Variants in FAM135B observed in about 807,000 individuals in gnomAD.
FAM135B encodes the protein family with sequence similarity 135 member B, also known as protein FAM135B.
Under a neutral mutation model 127.7 loss-of-function variants are expected in FAM135B, and 43 were observed. That is an observed-to-expected ratio of 0.34 (90% confidence interval 0.26 to 0.43). FAM135B has a LOEUF of 0.43. FAM135B is among the 20% of genes least tolerant of loss of function. The pLI is 1.00. For missense variants in FAM135B, 1,558 were observed against 1,725.6 expected (o/e 0.90, Z 1.72); for synonymous variants, 670 against 665.1 (o/e 1.01, Z -0.11).
At chr8:138,187,858 C>T (rs1295581513) in intron 9 of FAM135B, among the ~76,000 whole-genome samples, 1 of 152,152 alleles carries the variant, frequency 6.6e-6, no homozygotes, top group African/African-American at 2.4e-5. Context: ...TGAGCCCGGC[C>T]CCGATCTCTG....
intron 1 of FAM135B, among the ~76,000 whole-genome samples, chr8:138,443,794 C>T (rs1013825045): frequency 6.6e-6 from 1 of 152,134 alleles, no homozygotes; most frequent in African/African-American, 2.4e-5. Context: ...CAAATTCACA[C>T]ATAACAATAT....
Position 138,132,292 on chromosome 8 carries a change from G to A in FAM135B, c.*301C>T. The A allele has an allele frequency of 3.0e-6, 1 of 332,402 alleles. No individual in the cohort carries two copies. Among genetic ancestry groups the A allele is most frequent in the South Asian group, 3.7e-5 (1 of 26,786 alleles). The allele number at this position is 332,402 out of a possible 1,614,324, so 20.6% of individuals were successfully genotyped here. On this transcript the variant is annotated 3_prime_UTR_variant, in exon 20 of 20. Coordinates refer to ENST00000395297, the MANE Select transcript of FAM135B (RefSeq NM_015912.4). This position sits in a 1 kb window ranked among gnomAD's most constrained non-coding sequence, Gnocchi z 4.5. ...TCAGTAAGCCAGTAGTGGCTAGCAAGGGGAGCTCACCAACTCCCAAGTATT... is the reference window on the plus strand; with the variant it reads ...TCAGTAAGCCAGTAGTGGCTAGCAAAGGGAGCTCACCAACTCCCAAGTATT...
At chr8:138,197,799 C>T in intron 7 of FAM135B, 130 bp from the exon 8 acceptor site, 10 of 935,840 alleles carry the variant, frequency 1.1e-5, no homozygotes, top group Non-Finnish European at 1.6e-5. Flanking sequence ...GAAGCAGACC[C>T]CATCCTGAGT....
At chr8:138,143,202 G>A (rs890452023) in intron 15 of FAM135B, 93 bp from the exon 16 acceptor site, 71 of 705,198 alleles carry the variant, frequency 1.0e-4, no homozygotes, top group Middle Eastern at 2.4e-4. Flanking sequence ...ACACTGTGGC[G>A]CCTACTGGGG....
intron 1 of FAM135B, among the ~76,000 whole-genome samples, chr8:138,379,474 C>T (rs539304810): frequency 2.2e-4 from 33 of 152,052 alleles, no homozygotes; most frequent in Admixed American, 6.5e-4. Flanking sequence ...GTATGTTGTG[C>T]AATAAAAATT....
chr8:138,212,308 C>A (rs746920795), intron 7 of FAM135B, among the ~76,000 whole-genome samples: 1 of 152,080 alleles, frequency 6.6e-6, no homozygotes, highest in African/African-American at 2.4e-5. Flanking sequence ...AAGAGGGATG[C>A]TTTAGAGGAC....
intron 12 of FAM135B, among the ~76,000 whole-genome samples, chr8:138,156,398 G>C (rs549158934): frequency 1.3e-5 from 2 of 152,176 alleles, no homozygotes; most frequent in East Asian, 1.9e-4. Context: ...AGAGAAGCAA[G>C]AGCAAACACA....
At chr8:138,438,175 C>T (rs1237131818) in intron 1 of FAM135B, 1 of 152,032 alleles carries the variant, frequency 6.6e-6, no homozygotes, top group East Asian at 1.9e-4. Flanking sequence ...AATTTAAATG[C>T]AAAGTTTTAT....
At chr8:138,298,804 G>A (rs970327750) in intron 3 of FAM135B, among the ~76,000 whole-genome samples, 2 of 152,028 alleles carry the variant, frequency 1.3e-5, no homozygotes, top group African/African-American at 4.8e-5. Context: ...ACACACAATG[G>A]GAGGGACAGG....
At chr8:138,239,541 G>A (rs573922859) in intron 7 of FAM135B, among the ~76,000 whole-genome samples, 163 of 152,254 alleles carry the variant, frequency 1.1e-3, no homozygotes, top group African/African-American at 3.8e-3. Flanking sequence ...CTTTTGCTGT[G>A]CAGAAGCTCT....
At chr8:138,245,258 A>G (rs568969198) in intron 6 of FAM135B, among the ~76,000 whole-genome samples, 1 of 152,302 alleles carries the variant, frequency 6.6e-6, no homozygotes, top group East Asian at 1.9e-4. Flanking sequence ...CAAATTCTCA[A>G]TAGAATAGTA....
chr8:138,289,961 C>T (rs1824981443), intron 3 of FAM135B, among the ~76,000 whole-genome samples: 1 of 152,194 alleles, frequency 6.6e-6, no homozygotes, highest in African/African-American at 2.4e-5. Context: ...GTGAGAACAT[C>T]ACAAACAGGA....
At chr8:138,460,224 A>G (rs773785148) in intron 1 of FAM135B, among the ~76,000 whole-genome samples, 3 of 152,214 alleles carry the variant, frequency 2.0e-5, no homozygotes, top group Non-Finnish European at 4.4e-5. Context: ...GCTGAGGCAC[A>G]GGTAAGGGAC....
At chr8:138,289,311 C>T (rs1041522316) in intron 3 of FAM135B, among the ~76,000 whole-genome samples, 2 of 152,184 alleles carry the variant, frequency 1.3e-5, no homozygotes, top group Non-Finnish European at 2.9e-5. Context: ...TCATTCTCTG[C>T]CTCATCTTTG....
At chr8:138,186,161 C>T (rs1177012302) in intron 9 of FAM135B, among the ~76,000 whole-genome samples, 1 of 152,196 alleles carries the variant, frequency 6.6e-6, no homozygotes, top group African/African-American at 2.4e-5. Flanking sequence ...CTTGCTCCTG[C>T]AGCCCCTCAC....
chr8:138,431,805 T>C (rs572482055), intron 1 of FAM135B, among the ~76,000 whole-genome samples: 14 of 152,130 alleles, frequency 9.2e-5, no homozygotes, highest in Non-Finnish European at 1.5e-4. Context: ...CAAGGCTGGG[T>C]CCCTTTAGGT....
chr8:138,371,327 C>A (rs888146001), intron 1 of FAM135B, among the ~76,000 whole-genome samples: 19 of 152,072 alleles, frequency 1.2e-4, no homozygotes, highest in African/African-American at 4.6e-4. Context: ...ATGACACATA[C>A]CTAACACACA....
chr8:138,304,721 A>G (rs1826111545), intron 3 of FAM135B, among the ~76,000 whole-genome samples: 1 of 152,208 alleles, frequency 6.6e-6, no homozygotes, highest in Non-Finnish European at 1.5e-5. Flanking sequence ...ATCATGGCAC[A>G]ATCTCAAGGA....
chr8:138,457,899 CCT>C (rs1454056102), intron 1 of FAM135B, among the ~76,000 whole-genome samples: 2 of 151,594 alleles, frequency 1.3e-5, no homozygotes, highest in African/African-American at 4.9e-5. Flanking sequence ...ATCACTTGAT[CCT>C]AGGAGGCAAA....
Sources: gnomAD v4.1 joint callset for allele counts (sites outside exome capture counted in the v4.1 genomes callset) on GRCh38, gnomAD v4.1.1 for gene constraint, Gnocchi (gnomAD v3.1) non-coding constraint, MANE v1.5 for transcripts, NCBI Gene and HGNC (gene_info 2026-07-23, HGNC 2026-07-21) for gene names.